AFG2A: variants seen among roughly 807,000 people sequenced by gnomAD.
The protein encoded by AFG2A is AAA ATPase AFG2A, also known as ATPase family gene 2 protein homolog A.
chr4:123,157,370 A>T, the AFG2A span, among the ~76,000 whole-genome samples: 1 of 152,132 alleles, frequency 6.6e-6, no homozygotes, highest in South Asian at 2.1e-4. Context: ...ATTGTTGCAT[A>T]CCATAAGAAG....
chr4:123,059,226 A>G, the AFG2A span, among the ~76,000 whole-genome samples: 2 of 150,758 alleles, frequency 1.3e-5, no homozygotes, highest in South Asian at 4.2e-4. Flanking sequence ...ATATGTATAC[A>G]TATGCCATAC....
chr4:123,071,719 G>T, the AFG2A span, among the ~76,000 whole-genome samples: 1 of 152,188 alleles, frequency 6.6e-6, no homozygotes, highest in Non-Finnish European at 1.5e-5. Flanking sequence ...GGTAACTTGT[G>T]TGTCTTTCTG....
chr4:123,266,224 TGGG>T, the AFG2A span, among the ~76,000 whole-genome samples: 1 of 152,148 alleles, frequency 6.6e-6, no homozygotes, highest in East Asian at 1.9e-4. Context: ...TTAAGTACCC[TGGG>T]TTATGGAATG....
the AFG2A span, among the ~76,000 whole-genome samples, chr4:122,957,420 A>G: frequency 0.012 from 1,837 of 152,320 alleles, 42 homozygotes; most frequent in African/African-American, 0.041. Flanking sequence ...GAAAGCTGAA[A>G]CAATTGGGAA....
At chr4:123,081,396 T>C in the AFG2A span, among the ~76,000 whole-genome samples, 1 of 152,198 alleles carries the variant, frequency 6.6e-6, no homozygotes, top group African/African-American at 2.4e-5. Context: ...ATATGTAGCT[T>C]TTCCAGATTG....
chr4:123,256,318 C>A, the AFG2A span: 5 of 933,824 alleles, frequency 5.4e-6, no homozygotes, highest in Non-Finnish European at 7.9e-6. Flanking sequence ...CAGTACATGA[C>A]ATAGTCACTA....
chr4:123,028,472 A>G, the AFG2A span: 2 of 1,220,646 alleles, frequency 1.6e-6, no homozygotes, highest in Admixed American at 3.9e-5. Flanking sequence ...TACCTTTAGG[A>G]GAACGAATAA....
the AFG2A span, among the ~76,000 whole-genome samples, chr4:123,100,700 T>G: frequency 2.6e-5 from 4 of 151,898 alleles, no homozygotes; most frequent in African/African-American, 9.7e-5. Context: ...TTGAATAAAG[T>G]CATCAGGAAC....
At chr4:123,156,592 T>G in the AFG2A span, among the ~76,000 whole-genome samples, 1 of 152,222 alleles carries the variant, frequency 6.6e-6, no homozygotes, top group East Asian at 1.9e-4. Flanking sequence ...AACTTGGTCA[T>G]GTTTTTTATC....
At chr4:123,002,696 C>G in the AFG2A span, among the ~76,000 whole-genome samples, 4 of 152,160 alleles carry the variant, frequency 2.6e-5, no homozygotes, top group East Asian at 5.8e-4. Flanking sequence ...ATGGGCTTCC[C>G]TTTGTGGGTA....
At chr4:123,161,212 G>A in the AFG2A span, among the ~76,000 whole-genome samples, 1 of 152,126 alleles carries the variant, frequency 6.6e-6, no homozygotes, top group Non-Finnish European at 1.5e-5. Context: ...GGAGATTTAT[G>A]TATGTCTAGC....
the AFG2A span, among the ~76,000 whole-genome samples, chr4:123,118,352 ATT>A: frequency 4.7e-3 from 234 of 49,858 alleles, 5 homozygotes; most frequent in Middle Eastern, 0.032. Flanking sequence ...TATTATATAT[ATT>A]ATATATATAT....
At chr4:123,125,319 T>G in the AFG2A span, among the ~76,000 whole-genome samples, 132 of 152,302 alleles carry the variant, frequency 8.7e-4, 1 homozygote, top group African/African-American at 3.0e-3. Flanking sequence ...GAAACTGATT[T>G]ACAGAGATAA....
At chr4:123,090,758 T>C in the AFG2A span, 2 of 1,578,914 alleles carry the variant, frequency 1.3e-6, no homozygotes, top group East Asian at 4.5e-5. Context: ...GCTTGTTTGA[T>C]TTTATCAGGT....
chr4:123,155,048 T>G, the AFG2A span, among the ~76,000 whole-genome samples: 1 of 152,124 alleles, frequency 6.6e-6, no homozygotes, highest in South Asian at 2.1e-4. Flanking sequence ...TCTTGAATGT[T>G]TCTTTCCTGT....
the AFG2A span, among the ~76,000 whole-genome samples, chr4:122,925,642 C>G: frequency 1.3e-5 from 2 of 152,214 alleles, no homozygotes; most frequent in African/African-American, 4.8e-5. Flanking sequence ...CAGACCTGAT[C>G]TTAACATCAC....
At chr4:123,165,802 AGG>A in the AFG2A span, among the ~76,000 whole-genome samples, 1 of 152,172 alleles carries the variant, frequency 6.6e-6, no homozygotes, top group Non-Finnish European at 1.5e-5. Context: ...ATTTTTTCAA[AGG>A]AAGTCTTAAA....
chr4:122,936,214 G>T, the AFG2A span: 1 of 1,349,534 alleles, frequency 7.4e-7, no homozygotes, highest in South Asian at 1.4e-5. Context: ...TAGTCAAAGT[G>T]AGATACTAGC....
chr4:123,195,661 A>G, the AFG2A span, among the ~76,000 whole-genome samples: 1 of 152,190 alleles, frequency 6.6e-6, no homozygotes, highest in African/African-American at 2.4e-5. Flanking sequence ...CCCAGATAAC[A>G]GGTTTCTTTT....
Sources: allele counts gnomAD v4.1 joint callset (sites outside exome capture counted in the v4.1 genomes callset), GRCh38; gene constraint gnomAD v4.1.1; transcripts MANE v1.5; gene names NCBI Gene and HGNC (gene_info 2026-07-23, HGNC 2026-07-21).